The following COL24A1 variants were observed in gnomAD, a reference collection of about 807,000 sequenced individuals.
COL24A1 encodes the protein collagen type XXIV alpha 1 chain.
In COL24A1, 224 loss-of-function variants were observed where a neutral mutation model predicts 253.9. The observed-to-expected ratio is 0.88, with a 90% CI of 0.79 to 0.99. The LOEUF (loss-of-function observed/expected upper bound fraction) is 0.99. COL24A1 is among the 50% of genes least tolerant of loss of function. The pLI, the probability that COL24A1 is intolerant of heterozygous loss-of-function variation, is 0.00. For synonymous variants in COL24A1, 685 were observed against 673.7 expected (o/e 1.02, Z -0.26); for missense variants, 2,131 against 2,068.5 (o/e 1.03, Z -0.59).
intron 31 of COL24A1, 33 bp downstream of exon 31, chr1:85,895,825 A>T: frequency 1.3e-6 from 2 of 1,581,886 alleles, no homozygotes; most frequent in Middle Eastern, 2.3e-4. Context: ...GCAGATAAAA[A>T]TTTTTCATAG....
At chr1:86,018,963 A>T (rs1210900099) in intron 18 of COL24A1, among the ~76,000 whole-genome samples, 1 of 152,132 alleles carries the variant, frequency 6.6e-6, no homozygotes, top group Non-Finnish European at 1.5e-5. Context: ...TCTTGAAAAT[A>T]TTATTTCATG....
At chr1:86,006,339 A>C (rs1290808266) in intron 19 of COL24A1, among the ~76,000 whole-genome samples, 1 of 152,162 alleles carries the variant, frequency 6.6e-6, no homozygotes, top group Non-Finnish European at 1.5e-5. Context: ...AGAATAGAGA[A>C]CCCAGAAATA....
chr1:86,082,804 T>G (rs1309870731), intron 7 of COL24A1, among the ~76,000 whole-genome samples: 1 of 151,042 alleles, frequency 6.6e-6, no homozygotes, highest in Admixed American at 6.6e-5. Flanking sequence ...GGGACCAGAG[T>G]GTTTTGGATT....
chr1:86,115,321 T>C lies in COL24A1; in HGVS notation c.1545+4A>G. 6.2e-7 allele frequency: 1 copy of C among 1,613,702 alleles called. No individual in the cohort carries two copies. Among genetic ancestry groups the C allele is most frequent in the Non-Finnish European group, 8.5e-7 (1 of 1,179,744 alleles). On this transcript the variant is annotated splice_donor_region_variant and intron_variant, in intron 4 of 59. Coordinates refer to ENST00000370571, the MANE Select transcript of COL24A1 (RefSeq NM_152890.7). ...CCAGCAGGAAATATAGCCCATCTAC[T>C]TACCCGTGGACCTCTCTTCCCTGAC... is the stretch of plus-strand genomic sequence containing the variant.
chr1:85,855,273 T>C (rs12569293), intron 37 of COL24A1, among the ~76,000 whole-genome samples: 6,321 of 152,150 alleles, frequency 0.042, 459 homozygotes, highest in Admixed American at 0.19. Flanking sequence ...CTATATTAAG[T>C]AGGAGTGGTG....
At chr1:85,767,207 TCAATA>T (rs370032078) in intron 53 of COL24A1, among the ~76,000 whole-genome samples, 57 of 152,252 alleles carry the variant, frequency 3.7e-4, no homozygotes, top group African/African-American at 1.3e-3. Flanking sequence ...CTTACTTGTC[TCAATA>T]CAATAGGTCT....
At chr1:86,133,678 C>T (rs1440958924) in intron 2 of COL24A1, among the ~76,000 whole-genome samples, 1 of 152,154 alleles carries the variant, frequency 6.6e-6, no homozygotes, top group Non-Finnish European at 1.5e-5. Flanking sequence ...GTTGAACCAG[C>T]CTTGCATCCC....
At chr1:85,819,769 G>T (rs1673416323) in intron 45 of COL24A1, among the ~76,000 whole-genome samples, 1 of 151,924 alleles carries the variant, frequency 6.6e-6, no homozygotes, top group South Asian at 2.1e-4. Context: ...AAAAAGAGAA[G>T]CGGGACTGTT....
At position 85,786,465 on chromosome 1, in the gene COL24A1, AAT is replaced by A. The variant is rs1231428777; in HGVS notation, c.3952-6_3952-5del. On this transcript the variant is annotated splice_polypyrimidine_tract_variant and splice_region_variant and intron_variant, in intron 47 of 59. Transcript: ENST00000370571. ...TTCCTGGGCCGCCTCTGATGCCCTA[AAT>A]AACACAGATAAGAAATGAAAACTGG... is the stretch of plus-strand genomic sequence containing the variant. The A allele has an allele frequency of 6.2e-7, 1 of 1,607,756 alleles. No individual in the cohort carries two copies.
chr1:86,063,786 T>C (rs748080615), intron 7 of COL24A1, 27 bp from the exon 8 acceptor site: 1 of 1,494,934 alleles, frequency 6.7e-7, no homozygotes, highest in Non-Finnish European at 8.9e-7. Flanking sequence ...GGAGACATGC[T>C]ATGAAAAGTA....
intron 2 of COL24A1, among the ~76,000 whole-genome samples, chr1:86,135,407 T>C (rs2102345485): frequency 6.6e-6 from 1 of 152,260 alleles, no homozygotes; most frequent in East Asian, 1.9e-4. Context: ...GTTAGCTGGT[T>C]ATTTTGCTCA....
At chr1:85,932,316 AC>A (rs1687814052) in intron 24 of COL24A1, among the ~76,000 whole-genome samples, 1 of 72,280 alleles carries the variant, frequency 1.4e-5, no homozygotes, top group Non-Finnish European at 3.0e-5. Flanking sequence ...CATTTATGCA[AC>A]CAAAAAACAC....
At chr1:86,018,472 C>A (rs910808527) in intron 18 of COL24A1, among the ~76,000 whole-genome samples, 1 of 152,116 alleles carries the variant, frequency 6.6e-6, no homozygotes. Flanking sequence ...GAGAAAGGGG[C>A]GAGGGGCTCT....
At chr1:85,922,227 A>C (rs1282836184) in intron 24 of COL24A1, among the ~76,000 whole-genome samples, 1 of 152,236 alleles carries the variant, frequency 6.6e-6, no homozygotes. Flanking sequence ...GAATGGAACC[A>C]AGTTGGAAAA....
intron 12 of COL24A1, among the ~76,000 whole-genome samples, chr1:86,035,926 G>A (rs1255536465): frequency 1.3e-5 from 2 of 151,974 alleles, no homozygotes; most frequent in Non-Finnish European, 2.9e-5. Context: ...ACCTAGGAGA[G>A]GGAAGATGAG....
intron 7 of COL24A1, among the ~76,000 whole-genome samples, chr1:86,085,236 G>A (rs986953947): frequency 6.6e-6 from 1 of 152,006 alleles, no homozygotes; most frequent in South Asian, 2.1e-4. Context: ...GTTTATTCCT[G>A]TCCAACTTTA....
intron 14 of COL24A1, among the ~76,000 whole-genome samples, chr1:86,025,527 A>G (rs2101410648): frequency 6.6e-6 from 1 of 152,336 alleles, no homozygotes; most frequent in East Asian, 1.9e-4. Context: ...AGTCTAAGAA[A>G]GCATATAACA....
At position 86,125,175 on chromosome 1, in the gene COL24A1, C is replaced by A. The variant is rs12734349; in HGVS notation, c.1161G>T (p.Leu387=). 2 of 1,613,144 alleles carry A rather than the reference C, an allele frequency of 1.2e-6. No homozygotes were observed. Among genetic ancestry groups the A allele is most frequent in the Non-Finnish European group, 1.7e-6 (2 of 1,179,506 alleles). ...ITQHDDRVTG[L]SLFKKMPSIL... ...TAGATGGCATCTTCTTAAACAGTGA[C>A]AGACCAGTTACTCTATCATCATGTT... The change falls in exon 3 of 60, where the codon CTG becomes CTT. Residue 387 remains leucine, a synonymous_variant. Coordinates refer to ENST00000370571, the MANE Select transcript of COL24A1 (RefSeq NM_152890.7).
intron 47 of COL24A1, among the ~76,000 whole-genome samples, chr1:85,811,935 T>G (rs1426563635): frequency 6.6e-6 from 1 of 152,220 alleles, no homozygotes; most frequent in Non-Finnish European, 1.5e-5. Flanking sequence ...AGATGCCATA[T>G]GAGCCCTTTG....
Sources: allele counts gnomAD v4.1 joint callset (sites outside exome capture counted in the v4.1 genomes callset), GRCh38; gene constraint gnomAD v4.1.1; transcripts MANE v1.5; gene names NCBI Gene and HGNC (gene_info 2026-07-23, HGNC 2026-07-21).